The following CD2BP2 variants were observed in gnomAD, a reference collection of about 807,000 sequenced individuals.
The protein encoded by CD2BP2 is CD2 cytoplasmic tail binding protein 2.
CD2BP2 carries 27 observed loss-of-function variants against 35.9 expected under a neutral mutation model. The ratio of observed to expected loss-of-function variants is 0.75; its 90% CI spans 0.55 to 1.04. The LOEUF (loss-of-function observed/expected upper bound fraction) is 1.04, where lower values mean the gene tolerates loss of function less well. Among genes scored for constraint, CD2BP2 ranks in the 50% least tolerant of loss-of-function variants. The pLI is 0.00. For missense variants in CD2BP2, 497 were observed against 444.3 expected (o/e 1.12, Z -1.07); for synonymous variants, 213 against 173.5 (o/e 1.23, Z -1.79).
rs769046114 is a variant in CD2BP2, at chr16:30,354,019, C to T, written c.257G>A (p.Arg86Gln). 190 of 1,614,120 alleles carry T rather than the reference C, an allele frequency of 1.2e-4. 1 individual carries two copies. The highest frequency in any genetic ancestry group is 1.4e-4 in the Non-Finnish European group (165 of 1,180,014). Residue 86 changes from arginine to glutamine, a missense_variant, in exon 4 of 7, where the codon CGG (arginine) becomes CAG (glutamine). Transcript: ENST00000305596. ...AATLPSEGGV[R>Q]ITPFNLQEEM... ...CTCCTGCAGGTTAAAGGGTGTGATC[C>T]GAACACCCCCCTCGCTGGGGAGTGT...
At position 30,351,224 on chromosome 16, in the gene CD2BP2, G is replaced by A. The variant is rs1375905602; in HGVS notation, c.*1761C>T. 6.6e-6 allele frequency: 1 copy of A among 152,510 alleles called. No individual in the cohort carries two copies. 9.4% of individuals were successfully genotyped at this position (152,510 alleles called of 1,614,324 possible). A position where few individuals can be genotyped will look rare whatever the true frequency, so the allele number is the denominator to read the frequency against. On this transcript the variant is annotated 3_prime_UTR_variant, in exon 7 of 7. Transcript: ENST00000305596. ...GAGGCGCCTTCAGGAGGGGCTGTGA[G>A]GTCACGTGAGGTCGGCTTCAGAAGG...
chr16:30,352,049 C>T lies in CD2BP2; in HGVS notation c.*936G>A, dbSNP rs2049486293. ...GCTATAGAATTACATCTGTCTATTT[C>T]CCATGCCCCTGCCACCAGACTCTGA... On this transcript the variant is annotated 3_prime_UTR_variant, in exon 7 of 7. Coordinates refer to ENST00000305596, the MANE Select transcript of CD2BP2 (RefSeq NM_006110.3). 1 of 152,508 alleles carries T rather than the reference C, an allele frequency of 6.6e-6. No individual in the cohort carries two copies. The highest frequency in any genetic ancestry group is 6.5e-5 in the Admixed American group (1 of 15,292). 9.4% of individuals were successfully genotyped at this position (152,508 alleles called of 1,614,324 possible).
intron 5 of CD2BP2, 26 bp downstream of exon 5, chr16:30,353,342 C>G (rs775185015): frequency 6.2e-7 from 1 of 1,613,356 alleles, no homozygotes; most frequent in Non-Finnish European, 8.5e-7. Context: ...CTACCCACTG[C>G]CCCCTCCTCT....
In CD2BP2 at chr16:30,353,723, T is replaced by G; in HGVS notation, c.453A>C (p.Ser151=). 6.2e-7 allele frequency: 1 copy of G among 1,613,040 alleles called. No homozygotes were observed. The highest frequency in any genetic ancestry group is 8.5e-7 in the Non-Finnish European group (1 of 1,179,830). Reference sequence around the variant, plus strand: ...CCTCCAAGAGGGCTTGGGCACTCATTGAGGTCTGGCCCAAGCTGTCCTCCT... The same window carrying G: ...CCTCCAAGAGGGCTTGGGCACTCATGGAGGTCTGGCCCAAGCTGTCCTCCT... ...SEEEDSLGQT[S]MSAQALLEGL... is the part of the protein sequence containing the mutation. The change falls in exon 5 of 7, where the codon TCA becomes TCC. Residue 151 remains serine (S), a synonymous_variant. Coordinates refer to ENST00000305596, the MANE Select transcript of CD2BP2 (RefSeq NM_006110.3).
Position 30,355,249 on chromosome 16 carries a change from G to A in CD2BP2, c.-64C>T, listed in dbSNP as rs112131146. 3 of 152,644 alleles carry A rather than the reference G, an allele frequency of 2.0e-5. No homozygotes were observed. The highest frequency in any genetic ancestry group is 4.4e-5 in the Non-Finnish European group (3 of 68,248). 9.5% of individuals were successfully genotyped at this position (152,644 alleles called of 1,614,324 possible). ...GGAAGGCGAGGTGGAAAAAAGAAGA[G>A]ATGCTTGCGCCAGGGCTACATCCGG... On this transcript the variant is annotated 5_prime_UTR_variant, in exon 1 of 7. Transcript: ENST00000305596.
At position 30,353,261 on chromosome 16, in the gene CD2BP2, C is replaced by G; in HGVS notation, c.835G>C (p.Val279Leu). ...GEAESRGDGL[V>L]DVMWEYKWEN... ...CACTTATATTCCCACATCACATCCA[C>G]CAGACCATCTCCCCGCGACTCTGCT... Residue 279 changes from valine to leucine, a missense_variant, in exon 6 of 7, where the codon GTG (valine) becomes CTG (leucine). Transcript: ENST00000305596. 6.2e-7 allele frequency: 1 copy of G among 1,614,200 alleles called. No homozygotes were observed. Among genetic ancestry groups the G allele is most frequent in the Non-Finnish European group, 8.5e-7 (1 of 1,180,038 alleles).
chr16:30,354,466 T>TC, intron 2 of CD2BP2, 138 bp downstream of exon 2: 3 of 1,353,206 alleles, frequency 2.2e-6, no homozygotes, highest in Non-Finnish European at 3.1e-6. Flanking sequence ...CTAAAGACGC[T>TC]CCCAACCCAT....
chr16:30,353,457 T>C lies in CD2BP2; in HGVS notation c.719A>G (p.His240Arg), dbSNP rs1382112723. 1.2e-6 allele frequency: 2 copies of C among 1,613,978 alleles called. No homozygotes were observed. Among genetic ancestry groups the C allele is most frequent in the Non-Finnish European group, 1.7e-6 (2 of 1,180,004 alleles). Residue 240 changes from histidine (H) to arginine (R), a missense_variant, in exon 5 of 7, where the codon CAC becomes CGC. Physicochemically the swap from His to Arg is conservative, Grantham distance 29. Transcript: ENST00000305596. ...KGLGCQTLGP[H>R]NPTPPPSLDM... is the part of the protein sequence containing the mutation. ...CAGGGAGGGTGGGGGTGTGGGATTG[T>C]GGGGTCCTAGGGTCTGACACCCCAA...
chr16:30,354,498 C>T, intron 2 of CD2BP2, 106 bp downstream of exon 2: 1 of 1,422,488 alleles, frequency 7.0e-7, no homozygotes, highest in Non-Finnish European at 9.8e-7. Context: ...CCTGAAAAAA[C>T]TAGGCTTTTC....
At chr16:30,355,084 G>A in intron 1 of CD2BP2, 128 bp downstream of exon 1, 1 of 240,718 alleles carries the variant, frequency 4.2e-6, no homozygotes, top group African/African-American at 2.3e-5. Context: ...CCAGGACCTG[G>A]CGCTCTCGCC....
At position 30,351,420 on chromosome 16, in the gene CD2BP2, C is replaced by G. The variant is rs541299388; in HGVS notation, c.*1565G>C. On this transcript the variant is annotated 3_prime_UTR_variant, in exon 7 of 7. Transcript: ENST00000305596. Reference sequence around the variant, plus strand: ...CTTCCGGACCTTTCTGAAATCAAGACGCATCTTTAGATCAATGGCATCTTA... The same window carrying G: ...CTTCCGGACCTTTCTGAAATCAAGAGGCATCTTTAGATCAATGGCATCTTA... 3.1e-4 allele frequency: 47 copies of G among 152,412 alleles called. No individual in the cohort carries two copies. The highest frequency in any genetic ancestry group is 1.0e-3 in the Admixed American group (16 of 15,298). The allele number at this position is 152,412 out of a possible 1,614,324, so 9.4% of individuals were successfully genotyped here. A position where few individuals can be genotyped will look rare whatever the true frequency, so the allele number is the denominator to read the frequency against.
rs549105508 is a variant in CD2BP2, at chr16:30,353,226, C to T, written c.870G>A (p.Thr290=). 4.3e-5 allele frequency: 69 copies of T among 1,614,190 alleles called. 3 individuals carry two copies. The highest frequency in any genetic ancestry group is 4.2e-4 in the South Asian group (38 of 91,086). The change falls in exon 6 of 7, where the codon ACG becomes ACA. Residue 290 remains threonine, a synonymous_variant. Coordinates refer to ENST00000305596, the MANE Select transcript of CD2BP2 (RefSeq NM_006110.3). ...AGGGCCCATACAGCTCGGCATCCCC[C>T]GTGTTCTCCCACTTATATTCCCACA... ...DVMWEYKWEN[T]GDAELYGPFT...
At position 30,352,976 on chromosome 16, in the gene CD2BP2, C is replaced by T; in HGVS notation, c.*9G>A. The T allele has an allele frequency of 1.3e-6, 2 of 1,585,230 alleles. No individual in the cohort carries two copies. The highest frequency in any genetic ancestry group is 2.7e-5 in the African/African-American group (2 of 74,434). ...AAGAAGGGCCCACCAAACTGGGCCC[C>T]CAGCAGGCTCAGGTGTAGAGGTCAA... is the stretch of plus-strand genomic sequence containing the variant. On this transcript the variant is annotated 3_prime_UTR_variant, in exon 7 of 7. Coordinates refer to ENST00000305596, the MANE Select transcript of CD2BP2 (RefSeq NM_006110.3).
intron 2 of CD2BP2, 79 bp from the exon 3 acceptor site, chr16:30,354,401 A>AT: frequency 6.6e-7 from 1 of 1,511,390 alleles, no homozygotes; most frequent in Non-Finnish European, 9.0e-7. Flanking sequence ...GGACCCAAAT[A>AT]TTCCCCAAAT....
rs138664771 is a variant in CD2BP2 at position 30,353,039 on chromosome 16, G to A, written c.972C>T (p.Pro324=). Residue 324 remains proline, a synonymous_variant, in exon 7 of 7, where the codon CCC becomes CCT. Transcript: ENST00000305596. ...TGGAGTTGTAGAACTGACCACCAGG[G>A]GGGTCCAGCTTCCGGCAATAAACAC... ...PDGVYCRKLD[P]PGGQFYNSKR... is the part of the protein sequence containing the mutation. 1.9e-6 allele frequency: 3 copies of A among 1,614,094 alleles called. No homozygotes were observed. Among genetic ancestry groups the A allele is most frequent in the East Asian group, 2.2e-5 (1 of 44,872 alleles).
intron 6 of CD2BP2, 23 bp from the exon 7 acceptor site, chr16:30,353,118 G>T (rs535111132): frequency 2.5e-6 from 4 of 1,609,026 alleles, no homozygotes; most frequent in Middle Eastern, 3.3e-4. Flanking sequence ...GGCAGAGCTG[G>T]GGAACAACTG....
chr16:30,354,029 C>A lies in CD2BP2; in HGVS notation c.247G>T (p.Gly83Trp), dbSNP rs781339768. ...GQEAATLPSE[G>W]GVRITPFNLQ... ...TTAAAGGGTGTGATCCGAACACCCC[C>A]CTCGCTGGGGAGTGTGGCTGCCTCC... Residue 83 changes from glycine to tryptophan, a missense_variant, in exon 4 of 7, where the codon GGG (glycine) becomes TGG (tryptophan). Gly to Trp is a radical substitution (Grantham distance 184). Coordinates refer to ENST00000305596, the MANE Select transcript of CD2BP2 (RefSeq NM_006110.3). 6.2e-7 allele frequency: 1 copy of A among 1,614,178 alleles called. No homozygotes were observed. The highest frequency in any genetic ancestry group is 1.7e-5 in the Admixed American group (1 of 60,032).
Position 30,354,326 on chromosome 16 carries a change from T to A in CD2BP2, c.79-4A>T, listed in dbSNP as rs1449555328. On this transcript the variant is annotated splice_polypyrimidine_tract_variant and splice_region_variant and intron_variant, in intron 2 of 6. Coordinates refer to ENST00000305596, the MANE Select transcript of CD2BP2 (RefSeq NM_006110.3). ...ACCCAGCCACAGGGTCCACCAGCTG[T>A]GAGCAGGAGCCAGAAAGTTGAGAAA... 6.2e-7 allele frequency: 1 copy of A among 1,608,560 alleles called. No individual in the cohort carries two copies. The highest frequency in any genetic ancestry group is 1.1e-5 in the South Asian group (1 of 90,164).
chr16:30,354,756 C>T lies in CD2BP2; in HGVS notation c.-26-49G>A. On this transcript the variant is annotated intron_variant, in intron 1 of 6. Coordinates refer to ENST00000305596, the MANE Select transcript of CD2BP2 (RefSeq NM_006110.3). ...GGAACCGGGTGAGGAGGGGACTCGC[C>T]AACAGACGCAGCACAGCAAACATTT... 2.4e-6 allele frequency: 3 copies of T among 1,228,764 alleles called. No individual in the cohort carries two copies. In the South Asian group the frequency reaches 3.6e-5, roughly 15 times the overall value. The allele number at this position is 1,228,764 out of a possible 1,614,324, so 76.1% of individuals were successfully genotyped here.
Sources: allele counts gnomAD v4.1 joint callset, GRCh38; gene constraint gnomAD v4.1.1; transcripts MANE v1.5; gene names NCBI Gene and HGNC (gene_info 2026-07-23, HGNC 2026-07-21).